The following WNK1 variants were observed in gnomAD, a reference collection of about 807,000 sequenced individuals.
WNK1 encodes serine/threonine-protein kinase WNK1.
A neutral mutation model predicts 222.8 loss-of-function variants in WNK1; 38 were observed. The observed-to-expected ratio is 0.17, with a 90% CI of 0.13 to 0.22. WNK1 has a LOEUF of 0.22. WNK1 is among the 10% of genes least tolerant of loss of function. WNK1 has a pLI of 1.00. For missense variants in WNK1, 2,348 were observed against 2,918.4 expected (o/e 0.80, Z 4.50); for synonymous variants, 1,090 against 1,092.9 (o/e 1.00, Z 0.05).
chr12:850,952 A>G (rs573307741), intron 4 of WNK1, among the ~76,000 whole-genome samples: 25 of 152,274 alleles, frequency 1.6e-4, no homozygotes, highest in African/African-American at 5.5e-4. Flanking sequence ...TACCAGTACC[A>G]TGCTGTTTTG....
At chr12:766,230 G>A (rs1467237629) in intron 1 of WNK1, among the ~76,000 whole-genome samples, 4 of 152,024 alleles carry the variant, frequency 2.6e-5, no homozygotes, top group Admixed American at 1.3e-4. Flanking sequence ...ACTTGCACAT[G>A]TACCCCTGAA....
intron 5 of WNK1, among the ~76,000 whole-genome samples, chr12:857,648 C>A (rs1950887726): frequency 6.6e-6 from 1 of 152,212 alleles, no homozygotes; most frequent in Non-Finnish European, 1.5e-5. Flanking sequence ...TCAGCTATTA[C>A]AGGTCTGATT....
intron 4 of WNK1, among the ~76,000 whole-genome samples, chr12:856,739 G>A (rs1950826840): frequency 6.6e-6 from 1 of 152,158 alleles, no homozygotes; most frequent in Admixed American, 6.5e-5. Flanking sequence ...GCCAAACTAA[G>A]CATGTGAATT....
intron 2 of WNK1, among the ~76,000 whole-genome samples, chr12:819,464 G>A (rs1947658861): frequency 6.6e-6 from 1 of 152,168 alleles, no homozygotes; most frequent in South Asian, 2.1e-4. Flanking sequence ...GAGCATTTTT[G>A]TTGTGTGTCA....
chr12:813,886 C>G, intron 2 of WNK1, 72 bp downstream of exon 2: 1 of 1,520,220 alleles, frequency 6.6e-7, no homozygotes, highest in South Asian at 1.2e-5. Flanking sequence ...TTCAGGTCTA[C>G]CAGTTTCACT....
chr12:813,940 C>A, intron 2 of WNK1, 126 bp downstream of exon 2: 1 of 966,976 alleles, frequency 1.0e-6, no homozygotes, highest in Non-Finnish European at 1.6e-6. Flanking sequence ...CCAACTGTTA[C>A]TGTATTAGCA....
intron 2 of WNK1, among the ~76,000 whole-genome samples, chr12:819,911 A>G (rs1340447099): frequency 2.0e-5 from 3 of 152,142 alleles, no homozygotes; most frequent in Non-Finnish European, 4.4e-5. Flanking sequence ...ATTCTATTTC[A>G]TTGGCCTACA....
intron 1 of WNK1, among the ~76,000 whole-genome samples, chr12:790,143 T>TTA (rs1442804786): frequency 5.9e-5 from 9 of 152,368 alleles, no homozygotes; most frequent in African/African-American, 1.9e-4. Flanking sequence ...TGCCTGCTAC[T>TTA]TAACTCACTC....
At chr12:775,767 C>A (rs1446221124) in intron 1 of WNK1, among the ~76,000 whole-genome samples, 1 of 152,112 alleles carries the variant, frequency 6.6e-6, no homozygotes, top group Non-Finnish European at 1.5e-5. Flanking sequence ...ATGAACCAGA[C>A]ACTGTGTTTT....
At chr12:901,433 C>CA in intron 26 of WNK1, 1 of 461,672 alleles carries the variant, frequency 2.2e-6, no homozygotes. Flanking sequence ...ACCTTCCCCC[C>CA]AGAAGCTTGT....
chr12:840,920 A>G (rs975697249), intron 4 of WNK1, among the ~76,000 whole-genome samples: 4 of 152,202 alleles, frequency 2.6e-5, no homozygotes, highest in African/African-American at 9.7e-5. Context: ...TAACATTTTT[A>G]TTTGCCAAAT....
chr12:773,909 T>A (rs1001095916), intron 1 of WNK1, among the ~76,000 whole-genome samples: 2 of 152,202 alleles, frequency 1.3e-5, no homozygotes, highest in African/African-American at 4.8e-5. Context: ...CTATTGTAAA[T>A]ATAGTGGGCG....
In WNK1 at chr12:817,845, C is replaced by T. The variant is rs906349327; in HGVS notation, c.932+4031C>T. Among the ~76,000 whole-genome samples, 3 of 152,108 alleles carry T rather than the reference C, an allele frequency of 2.0e-5. No individual in the cohort carries two copies. In the South Asian group the frequency reaches 6.2e-4, roughly 32 times the overall value. ...GCGGGCGCCTGTAATCCCAGCTACC[C>T]GGGAGGCTGAGGCAAGAGAATCGCT... On this transcript the variant is annotated intron_variant, in intron 2 of 27. Transcript: ENST00000315939.
At chr12:791,350 T>C (rs1944818423) in intron 1 of WNK1, among the ~76,000 whole-genome samples, 1 of 152,096 alleles carries the variant, frequency 6.6e-6, no homozygotes, top group Non-Finnish European at 1.5e-5. Context: ...AATTTTCATG[T>C]ATATGCACAA....
intron 2 of WNK1, among the ~76,000 whole-genome samples, chr12:816,742 G>C (rs146776058): frequency 1.3e-5 from 2 of 152,324 alleles, no homozygotes; most frequent in African/African-American, 4.8e-5. Flanking sequence ...TCCTTGGTCA[G>C]TGTCCAGAGG....
intron 26 of WNK1, 109 bp downstream of exon 26, chr12:900,779 C>T: frequency 5.4e-6 from 7 of 1,306,364 alleles, no homozygotes; most frequent in Admixed American, 1.7e-5. Context: ...AGAACACAGC[C>T]TGTGTGTTGT....
chr12:884,139 T>C lies in WNK1; in HGVS notation c.3740T>C (p.Leu1247Ser). ...PQQIGIPTSS[L>S]TQVVHSAGRR... ...TGACCAGGCATTCCTACCAGTTCTT[T>C]AACTCAAGTTGTTCATTCTGCGGGA... is the stretch of plus-strand genomic sequence containing the variant. Residue 1247 changes from leucine (L) to serine (S), a missense_variant, in exon 18 of 28, where the codon TTA (leucine) becomes TCA (serine). By Grantham distance (145) the Leu-to-Ser change is moderately radical. Coordinates refer to ENST00000315939, the MANE Select transcript of WNK1 (RefSeq NM_018979.4). The surrounding 1 kb of genome is among the most constrained non-coding windows in gnomAD (Gnocchi z 5.6). The C allele has an allele frequency of 1.2e-6, 2 of 1,614,216 alleles. No homozygotes were observed. Among genetic ancestry groups the C allele is most frequent in the Non-Finnish European group, 1.7e-6 (2 of 1,180,030 alleles).
intron 1 of WNK1, among the ~76,000 whole-genome samples, 200 bp from the exon 2 acceptor site, chr12:813,442 G>C (rs1452402392): frequency 6.6e-6 from 1 of 152,150 alleles, no homozygotes; most frequent in Non-Finnish European, 1.5e-5. Flanking sequence ...CTATATCTGA[G>C]TTACACATTA....
chr12:828,884 T>C (rs1027266237), intron 3 of WNK1, among the ~76,000 whole-genome samples: 3 of 152,196 alleles, frequency 2.0e-5, no homozygotes, highest in Non-Finnish European at 4.4e-5. Flanking sequence ...GGATACTGAG[T>C]ATTACTAGGA....
Sources: gnomAD v4.1 joint callset for allele counts (sites outside exome capture counted in the v4.1 genomes callset) on GRCh38, gnomAD v4.1.1 for gene constraint, Gnocchi (gnomAD v3.1) non-coding constraint, MANE v1.5 for transcripts, NCBI Gene and HGNC (gene_info 2026-07-23, HGNC 2026-07-21) for gene names.